Variants in DAZL observed in about 807,000 individuals in gnomAD.
DAZL encodes deleted in azoospermia-like.
In DAZL, 4 loss-of-function variants were observed where a neutral mutation model predicts 45.0. The observed-to-expected ratio is 0.09, with a 90% CI of 0.04 to 0.20. The LOEUF (loss-of-function observed/expected upper bound fraction) is 0.20, where lower values mean the gene tolerates loss of function less well. DAZL is among the 10% of genes least tolerant of loss of function. The pLI is 1.00. For synonymous variants in DAZL, 122 were observed against 112.4 expected (o/e 1.09, Z -0.54); for missense variants, 326 against 351.3 (o/e 0.93, Z 0.58).
Position 16,593,759 on chromosome 3 carries a change from C to G in DAZL, c.631G>C (p.Ala211Pro). 1 of 1,597,422 alleles carries G rather than the reference C, an allele frequency of 6.3e-7. No homozygotes were observed. The highest frequency in any genetic ancestry group is 8.6e-7 in the Non-Finnish European group (1 of 1,165,694). Residue 211 changes from alanine (A) to proline (P), a missense_variant, in exon 9 of 11, where the codon GCT becomes CCT. Physicochemically the swap from Ala to Pro is conservative, Grantham distance 27. Coordinates refer to ENST00000399444, the MANE Select transcript of DAZL (RefSeq NM_001351.4). ...RSYVVPPAYS[A>P]VNYHCNEVDP... ...ACTTCATTACAGTGGTAGTTAACAG[C>G]TGAATAAGCCTATATTTAAAATAAT...
At chr3:16,591,165 T>A (rs577435178) in intron 10 of DAZL, among the ~76,000 whole-genome samples, 5 of 152,298 alleles carry the variant, frequency 3.3e-5, no homozygotes, top group African/African-American at 1.2e-4. Flanking sequence ...TTTAGTCCTG[T>A]ACCTTCTCAT....
At chr3:16,597,670 A>C in intron 3 of DAZL, 129 bp from the exon 4 acceptor site, 1 of 687,418 alleles carries the variant, frequency 1.5e-6, no homozygotes, top group Non-Finnish European at 2.7e-6. Flanking sequence ...TAAGATGTAC[A>C]TGATAGATCC....
Position 16,588,790 on chromosome 3 carries a change from A to G in DAZL, c.835-77T>C, listed in dbSNP as rs919004422. 1.6e-5 allele frequency: 18 copies of G among 1,157,752 alleles called. No individual in the cohort carries two copies. The African/African-American group carries it at 2.6e-4, about 17-fold the overall frequency. The allele number at this position is 1,157,752 out of a possible 1,614,324, so 71.7% of individuals were successfully genotyped here. On this transcript the variant is annotated intron_variant, in intron 10 of 10. Transcript: ENST00000399444. ...ACTATAGATCTGAAAGTTGTCAAAA[A>G]CTTAAACCATTTGTTTTGGGTTTAA...
chr3:16,595,542 G>T (rs1159439085), intron 6 of DAZL, among the ~76,000 whole-genome samples, 157 bp from the exon 7 acceptor site: 1 of 151,940 alleles, frequency 6.6e-6, no homozygotes, highest in Non-Finnish European at 1.5e-5. Flanking sequence ...TATGAAGAAA[G>T]AAATATTCTC....
At chr3:16,602,965 A>T (rs980568652) in intron 1 of DAZL, among the ~76,000 whole-genome samples, 1 of 152,246 alleles carries the variant, frequency 6.6e-6, no homozygotes, top group Non-Finnish European at 1.5e-5. Flanking sequence ...AAAAATAAAA[A>T]GGAAGTTTAA....
chr3:16,599,262 A>G (rs73035077), intron 1 of DAZL, among the ~76,000 whole-genome samples: 5 of 152,194 alleles, frequency 3.3e-5, no homozygotes, highest in Non-Finnish European at 7.3e-5. Flanking sequence ...CTATATTCAT[A>G]AACAACTTTT....
intron 10 of DAZL, among the ~76,000 whole-genome samples, chr3:16,591,332 CATTT>C (rs753189584): frequency 1.1e-4 from 17 of 152,144 alleles, no homozygotes; most frequent in Non-Finnish European, 1.3e-4. Flanking sequence ...TTCTACTCAA[CATTT>C]TACTGCTTCA....
chr3:16,605,177 C>T (rs766881679), intron 1 of DAZL, 26 bp downstream of exon 1: 129 of 1,613,996 alleles, frequency 8.0e-5, no homozygotes, highest in Non-Finnish European at 1.0e-4. Flanking sequence ...GCCAGCCTTG[C>T]CCCTCGGGCC....
chr3:16,594,700 AAAAG>A, intron 7 of DAZL, 117 bp from the exon 8 acceptor site: 1 of 607,380 alleles, frequency 1.6e-6, no homozygotes. Flanking sequence ...TTGTTATAAT[AAAAG>A]AAACAGAATG....
intron 2 of DAZL, 87 bp downstream of exon 2, chr3:16,598,365 T>A (rs577913016): frequency 1.8e-4 from 287 of 1,551,728 alleles, no homozygotes; most frequent in Non-Finnish European, 2.4e-4. Context: ...CTCCATGAAG[T>A]ACAAAAAAAC....
chr3:16,595,865 C>T (rs1694592073), intron 6 of DAZL, among the ~76,000 whole-genome samples: 1 of 151,744 alleles, frequency 6.6e-6, no homozygotes, highest in African/African-American at 2.4e-5. Context: ...TGTATATAAT[C>T]CAAAACTGGA....
rs914572948 is a variant in DAZL at position 16,605,257 on chromosome 3, G to A, written c.-52C>T. Reference sequence around the variant, plus strand: ...CGGCTCCAGGAGGAGCAGAGGCTGTGCTTGGCGCACCACTTCTGGGGCTGC... The same window carrying A: ...CGGCTCCAGGAGGAGCAGAGGCTGTACTTGGCGCACCACTTCTGGGGCTGC... On this transcript the variant is annotated 5_prime_UTR_variant, in exon 1 of 11. Transcript: ENST00000399444. The A allele has an allele frequency of 6.2e-7, 1 of 1,613,128 alleles. No individual in the cohort carries two copies. The highest frequency in any genetic ancestry group is 1.7e-5 in the Admixed American group (1 of 60,034).
chr3:16,597,653 A>G (rs1338952641), intron 3 of DAZL, 112 bp from the exon 4 acceptor site: 2 of 735,528 alleles, frequency 2.7e-6, no homozygotes, highest in Non-Finnish European at 5.0e-6. Flanking sequence ...ATACTATGCT[A>G]AATATTTAAG....
intron 6 of DAZL, 59 bp downstream of exon 6, chr3:16,596,691 C>T (rs1340243968): frequency 4.4e-6 from 7 of 1,579,872 alleles, no homozygotes; most frequent in Non-Finnish European, 6.1e-6. Flanking sequence ...GGATGTAATT[C>T]CACAGAAGGT....
intron 10 of DAZL, among the ~76,000 whole-genome samples, chr3:16,589,623 TACA>T (rs1465588738): frequency 2.0e-5 from 3 of 152,154 alleles, no homozygotes; most frequent in Non-Finnish European, 4.4e-5. Context: ...TCAAATTCAA[TACA>T]ACAACATGCA....
In DAZL at chr3:16,605,061, C is replaced by T. The variant is rs1694757589; in HGVS notation, c.3+142G>A. On this transcript the variant is annotated intron_variant, in intron 1 of 10. Transcript: ENST00000399444. ...AGGCCGCCTCTCCCAACTCTGTGGG[C>T]CATGGCTGTGGTGCGTCCAGGCAGG... is the stretch of plus-strand genomic sequence containing the variant. The T allele has an allele frequency of 7.1e-6, 8 of 1,123,000 alleles. No individual in the cohort carries two copies. In the South Asian group the frequency reaches 7.4e-5, roughly 10 times the overall value. 69.6% of individuals were successfully genotyped at this position (1,123,000 alleles called of 1,614,324 possible). A position where few individuals can be genotyped will look rare whatever the true frequency, so the allele number is the denominator to read the frequency against.
intron 6 of DAZL, among the ~76,000 whole-genome samples, chr3:16,595,648 T>C (rs1402608149): frequency 1.3e-5 from 2 of 152,032 alleles, no homozygotes; most frequent in Non-Finnish European, 1.5e-5. Context: ...TTATACTGTG[T>C]ACTTATTCCC....
At chr3:16,604,767 G>C (rs993489110) in intron 1 of DAZL, 6 of 1,361,524 alleles carry the variant, frequency 4.4e-6, no homozygotes, top group Admixed American at 6.5e-5. Flanking sequence ...AAATGAGGCT[G>C]GCGGGGCGGA....
chr3:16,587,266 TAA>T lies in DAZL; in HGVS notation c.*1392_*1393del, dbSNP rs1176312770. The T allele has an allele frequency of 6.6e-6, 1 of 152,142 alleles. No homozygotes were observed. The highest frequency in any genetic ancestry group is 1.5e-5 in the Non-Finnish European group (1 of 68,002). 9.4% of individuals were successfully genotyped at this position (152,142 alleles called of 1,614,324 possible). A position where few individuals can be genotyped will look rare whatever the true frequency, so the allele number is the denominator to read the frequency against. On this transcript the variant is annotated 3_prime_UTR_variant, in exon 11 of 11. Transcript: ENST00000399444. ...GTAATATGGCTCACAGTAACTACAT[TAA>T]GTTAGAATTTCTACATTTTAGGGAA...
Sources: gnomAD v4.1 joint callset for allele counts (sites outside exome capture counted in the v4.1 genomes callset) on GRCh38, gnomAD v4.1.1 for gene constraint, MANE v1.5 for transcripts, NCBI Gene and HGNC (gene_info 2026-07-23, HGNC 2026-07-21) for gene names.